The following TANGO6 variants were observed in gnomAD, a reference collection of about 807,000 sequenced individuals.
The protein encoded by TANGO6 is transport and golgi organization 6 homolog, also known as transport and Golgi organization protein 6 homolog.
TANGO6 carries 90 observed loss-of-function variants against 114.2 expected under a neutral mutation model. The ratio of observed to expected loss-of-function variants is 0.79; its 90% CI spans 0.66 to 0.94. TANGO6 has a LOEUF of 0.94. Among genes scored for constraint, TANGO6 ranks in the 40% least tolerant of loss-of-function variants. The pLI is 0.00. For synonymous variants in TANGO6, 477 were observed against 509.8 expected, an observed-to-expected ratio of 0.94 and a Z score of 0.87; for missense variants, 1,274 against 1,315.3, an observed-to-expected ratio of 0.97 and a Z score of 0.49.
intron 16 of TANGO6, 53 bp downstream of exon 16, chr16:69,023,032 T>C (rs1386540102): frequency 2.0e-6 from 3 of 1,478,442 alleles, no homozygotes; most frequent in Non-Finnish European, 2.7e-6. Flanking sequence ...GGACCTACGA[T>C]GCATCTTGAG....
At chr16:68,869,632 C>CA (rs1962235830) in intron 4 of TANGO6, among the ~76,000 whole-genome samples, 1 of 152,226 alleles carries the variant, frequency 6.6e-6, no homozygotes, top group African/African-American at 2.4e-5. Flanking sequence ...TCCTGGTGAA[C>CA]ACTTTGCCTT....
intron 12 of TANGO6, among the ~76,000 whole-genome samples, chr16:68,921,106 G>A (rs1240218180): frequency 5.3e-5 from 7 of 130,920 alleles, no homozygotes; most frequent in African/African-American, 1.2e-4. Context: ...GCAACAGAGC[G>A]AGACTCTGTC....
At chr16:69,045,284 C>T (rs1295988893) in intron 17 of TANGO6, among the ~76,000 whole-genome samples, 1 of 150,574 alleles carries the variant, frequency 6.6e-6, no homozygotes, top group Non-Finnish European at 1.5e-5. Flanking sequence ...GAAACCCCGT[C>T]TCTACTAAAA....
intron 14 of TANGO6, 71 bp from the exon 15 acceptor site, chr16:68,973,957 C>G: frequency 4.6e-6 from 7 of 1,521,680 alleles, no homozygotes; most frequent in Non-Finnish European, 6.2e-6. Context: ...CATCCCATCA[C>G]AGGGTGACTG....
intron 2 of TANGO6, among the ~76,000 whole-genome samples, chr16:68,862,012 AT>A (rs200482557): frequency 4.0e-5 from 6 of 150,802 alleles, no homozygotes; most frequent in South Asian, 2.1e-4. Flanking sequence ...GGAGACATCT[AT>A]TTTTTTTTAA....
In TANGO6 at chr16:68,880,549, G is replaced by C; in HGVS notation, c.1296G>C (p.Glu432Asp). Reference protein sequence around the residue: ...APLHRCLNTAELSESDMVPGT... With the variant: ...APLHRCLNTADLSESDMVPGT... ...TAATTTTGTGTGTTTATTTTCTAGA[G>C]CTTTCAGAGAGTGACATGGTACCAG... is the stretch of plus-strand genomic sequence containing the variant. Residue 432 changes from glutamate to aspartate, a missense_variant and splice_region_variant, in exon 7 of 18, where the codon GAG (glutamate) becomes GAC (aspartate). Physicochemically the swap from Glu to Asp is conservative, Grantham distance 45 (BLOSUM62 2). Coordinates refer to ENST00000261778, the MANE Select transcript of TANGO6 (RefSeq NM_024562.2). The C allele has an allele frequency of 1.2e-6, 2 of 1,610,714 alleles. No homozygotes were observed. Among genetic ancestry groups the C allele is most frequent in the Non-Finnish European group, 1.7e-6 (2 of 1,178,554 alleles).
At chr16:69,002,537 G>T (rs1476138946) in intron 15 of TANGO6, among the ~76,000 whole-genome samples, 1 of 152,020 alleles carries the variant, frequency 6.6e-6, no homozygotes, top group African/African-American at 2.4e-5. Flanking sequence ...GCTCTTGCTT[G>T]CTCTCTCTTT....
At chr16:68,942,322 CAA>C (rs879807618) in intron 14 of TANGO6, among the ~76,000 whole-genome samples, 1 of 133,916 alleles carries the variant, frequency 7.5e-6, no homozygotes. Flanking sequence ...AACTCCATCT[CAA>C]AAAAAAAAAA....
chr16:68,972,615 A>G (rs1963718240), intron 14 of TANGO6, among the ~76,000 whole-genome samples: 1 of 152,194 alleles, frequency 6.6e-6, no homozygotes, highest in South Asian at 2.1e-4. Flanking sequence ...AGCACCTGAC[A>G]TGTGCTAGGA....
intron 17 of TANGO6, among the ~76,000 whole-genome samples, chr16:69,049,019 G>A (rs1290311913): frequency 4.6e-5 from 7 of 152,106 alleles, no homozygotes; most frequent in Non-Finnish European, 8.8e-5. Context: ...TGCTCTCTTC[G>A]TCAATAGCAC....
intron 14 of TANGO6, among the ~76,000 whole-genome samples, chr16:68,931,595 A>G (rs1389961616): frequency 6.6e-6 from 1 of 152,250 alleles, no homozygotes; most frequent in East Asian, 1.9e-4. Flanking sequence ...GATACATGCC[A>G]CAATATGGAC....
At chr16:68,976,829 T>C (rs904314272) in intron 15 of TANGO6, among the ~76,000 whole-genome samples, 1 of 152,240 alleles carries the variant, frequency 6.6e-6, no homozygotes, top group Non-Finnish European at 1.5e-5. Context: ...GGTTAATATT[T>C]GGCTTAATAA....
At chr16:69,080,934 C>T (rs1176308294) in intron 17 of TANGO6, among the ~76,000 whole-genome samples, 3 of 152,070 alleles carry the variant, frequency 2.0e-5, no homozygotes, top group African/African-American at 7.2e-5. Context: ...GTCAGGAGAT[C>T]GAGACCATCC....
chr16:68,928,823 G>C (rs1442761116), intron 13 of TANGO6, among the ~76,000 whole-genome samples: 2 of 152,186 alleles, frequency 1.3e-5, no homozygotes, highest in Non-Finnish European at 2.9e-5. Context: ...TAAGCCACCT[G>C]TTTTCTCTGG....
At chr16:68,917,919 A>ATT (rs542643969) in intron 11 of TANGO6, among the ~76,000 whole-genome samples, 14,380 of 137,324 alleles carry the variant, frequency 0.1, 891 homozygotes, top group African/African-American at 0.16. Flanking sequence ...TGCCTGGCTA[A>ATT]TTTTTTTTTT....
chr16:68,969,358 G>A (rs1287934598), intron 14 of TANGO6, among the ~76,000 whole-genome samples: 1 of 152,140 alleles, frequency 6.6e-6, no homozygotes, highest in East Asian at 1.9e-4. Context: ...ATAAAAACAA[G>A]CACACAAAAT....
At chr16:68,940,933 C>T (rs1201020118) in intron 14 of TANGO6, among the ~76,000 whole-genome samples, 3 of 152,014 alleles carry the variant, frequency 2.0e-5, no homozygotes, top group South Asian at 2.1e-4. Flanking sequence ...GGAAGCCAAA[C>T]GAAGGCAGAC....
intron 1 of TANGO6, among the ~76,000 whole-genome samples, chr16:68,857,997 G>C (rs540077012): frequency 3.3e-5 from 5 of 151,540 alleles, no homozygotes; most frequent in Admixed American, 6.6e-5. Context: ...GGGTAACCTT[G>C]ATGTTATTTC....
intron 15 of TANGO6, among the ~76,000 whole-genome samples, chr16:69,001,842 C>T (rs1205514382): frequency 2.0e-5 from 3 of 152,088 alleles, no homozygotes; most frequent in Non-Finnish European, 4.4e-5. Flanking sequence ...ACACTTTTTT[C>T]ATTTAAATAT....
Sources: allele counts gnomAD v4.1 joint callset (sites outside exome capture counted in the v4.1 genomes callset), GRCh38; gene constraint gnomAD v4.1.1; transcripts MANE v1.5; gene names NCBI Gene and HGNC (gene_info 2026-07-23, HGNC 2026-07-21).